The following MYO5B variants were observed in gnomAD, a reference collection of about 807,000 sequenced individuals.
The protein encoded by MYO5B is unconventional myosin-Vb.
A neutral mutation model predicts 229.3 loss-of-function variants in MYO5B; 143 were observed. The observed-to-expected ratio is 0.62, with a 90% confidence interval of 0.54 to 0.72. MYO5B has a LOEUF of 0.72. Among genes scored for constraint, MYO5B ranks in the 30% least tolerant of loss-of-function variants. The pLI, the probability that MYO5B is intolerant of heterozygous loss-of-function variation, is 0.00. For missense variants in MYO5B, 2,321 were observed against 2,331.0 expected (o/e 1.00, Z 0.09); for synonymous variants, 918 against 885.2 (o/e 1.04, Z -0.66).
chr18:49,834,900 A>G (rs987513679), intron 39 of MYO5B, among the ~76,000 whole-genome samples: 1 of 152,212 alleles, frequency 6.6e-6, no homozygotes, highest in Admixed American at 6.5e-5. Context: ...GGCCTCCCAA[A>G]GTGCTGGGAT....
chr18:49,926,768 T>C lies in MYO5B; in HGVS notation c.2090+2744A>G, dbSNP rs575019383. Among the ~76,000 whole-genome samples, 379 of 152,310 alleles carry C rather than the reference T, an allele frequency of 2.5e-3. 3 individuals are homozygous for C. The highest frequency in any genetic ancestry group is 6.2e-3 in the South Asian group (30 of 4,828). ...CAGATTTCATTCTATATTCAAAAGTTAAAGGAGTCTATTGAGGAATGAATG... is the reference window on the plus strand; with the variant it reads ...CAGATTTCATTCTATATTCAAAAGTCAAAGGAGTCTATTGAGGAATGAATG... On this transcript the variant is annotated intron_variant, in intron 17 of 39. Transcript: ENST00000285039.
chr18:50,072,709 T>C (rs1190683555), intron 1 of MYO5B, among the ~76,000 whole-genome samples: 1 of 151,882 alleles, frequency 6.6e-6, no homozygotes, highest in Non-Finnish European at 1.5e-5. Flanking sequence ...CAGAAAACAT[T>C]AATCATCAAT....
intron 1 of MYO5B, chr18:50,098,615 G>A (rs962570822): frequency 5.3e-5 from 8 of 152,248 alleles, no homozygotes; most frequent in Non-Finnish European, 8.8e-5. Flanking sequence ...AACTGGGAAA[G>A]GCTTGCAGAG....
At chr18:49,828,032 C>T (rs911248257) in intron 39 of MYO5B, among the ~76,000 whole-genome samples, 8 of 152,244 alleles carry the variant, frequency 5.3e-5, no homozygotes, top group Non-Finnish European at 7.4e-5. Context: ...GTACTGCTGT[C>T]GGCCCTGTAG....
Position 49,980,714 on chromosome 18 carries a change from C to G in MYO5B, c.947-161G>C, listed in dbSNP as rs187615851. Among the ~76,000 whole-genome samples, 24 of 152,150 alleles carry G rather than the reference C, an allele frequency of 1.6e-4. No homozygotes were observed. In the East Asian group the frequency reaches 3.9e-3, roughly 25 times the overall value. On this transcript the variant is annotated intron_variant, in intron 8 of 39. Coordinates refer to ENST00000285039, the MANE Select transcript of MYO5B (RefSeq NM_001080467.3). The stretch of plus-strand genomic sequence containing the variant: ...CAGGCTCCTCACCAAGTAATTACCA[C>G]TCACAGTAACAGCTCAGAGGGCAAA...
At chr18:50,118,191 TCA>T (rs1223778320) in intron 1 of MYO5B, among the ~76,000 whole-genome samples, 1 of 152,142 alleles carries the variant, frequency 6.6e-6, no homozygotes, top group African/African-American at 2.4e-5. Context: ...CATGACTGTC[TCA>T]GTTTGCCCAG....
At chr18:49,882,656 A>T (rs890487039) in intron 22 of MYO5B, among the ~76,000 whole-genome samples, 9 of 143,050 alleles carry the variant, frequency 6.3e-5, no homozygotes, top group African/African-American at 2.3e-4. Flanking sequence ...GAGGAAACCC[A>T]CTTCACAGAG....
intron 22 of MYO5B, among the ~76,000 whole-genome samples, chr18:49,889,273 T>C (rs1004461217): frequency 6.6e-6 from 1 of 152,262 alleles, no homozygotes; most frequent in African/African-American, 2.4e-5. Flanking sequence ...TTGCTATTGC[T>C]GGAGGCAGTT....
In MYO5B at chr18:49,826,295, C is replaced by G; in HGVS notation, c.*176G>C. 1 of 728,396 alleles carries G rather than the reference C, an allele frequency of 1.4e-6. No individual in the cohort carries two copies. Among genetic ancestry groups the G allele is most frequent in the Non-Finnish European group, 2.2e-6 (1 of 454,890 alleles). 45.1% of individuals were successfully genotyped at this position (728,396 alleles called of 1,614,324 possible). On this transcript the variant is annotated 3_prime_UTR_variant, in exon 40 of 40. Transcript: ENST00000285039. ...GTGTTTTTATTCTGAGCAGTAGGTA[C>G]AAAAAATAATGACATAGTTGTGTCT...
intron 1 of MYO5B, among the ~76,000 whole-genome samples, chr18:50,131,185 A>G (rs1322848084): frequency 6.6e-6 from 1 of 152,248 alleles, no homozygotes; most frequent in African/African-American, 2.4e-5. Context: ...GCATGGAATC[A>G]TAGAATAGAA....
chr18:50,002,387 T>C (rs17728662), intron 4 of MYO5B, among the ~76,000 whole-genome samples: 27,850 of 151,402 alleles, frequency 0.18, 2,703 homozygotes, highest in East Asian at 0.27. Context: ...TCTGTAGTTA[T>C]CCCTTTAAAA....
chr18:50,141,446 T>TG (rs1395049471), intron 1 of MYO5B, among the ~76,000 whole-genome samples: 5 of 152,222 alleles, frequency 3.3e-5, no homozygotes, highest in Non-Finnish European at 7.3e-5. Flanking sequence ...GCTGTAACAC[T>TG]GCCTGAGCTG....
intron 39 of MYO5B, 60 bp downstream of exon 39, chr18:49,835,284 T>C (rs1463784501): frequency 7.6e-7 from 1 of 1,313,594 alleles, no homozygotes; most frequent in Admixed American, 1.7e-5. Flanking sequence ...AAAGCCCAAA[T>C]TTTTAATTTC....
At chr18:50,043,622 A>G (rs1030282427) in intron 2 of MYO5B, among the ~76,000 whole-genome samples, 1 of 135,020 alleles carries the variant, frequency 7.4e-6, no homozygotes, top group Non-Finnish European at 1.5e-5. Context: ...ATATATATAA[A>G]TATATAAATA....
At chr18:49,839,700 C>G (rs1451909685) in intron 35 of MYO5B, among the ~76,000 whole-genome samples, 2 of 152,186 alleles carry the variant, frequency 1.3e-5, no homozygotes, top group East Asian at 3.8e-4. Flanking sequence ...GGCCATGGGC[C>G]AGATTATACG....
At chr18:49,862,678 C>T (rs975173197) in intron 29 of MYO5B, among the ~76,000 whole-genome samples, 3 of 152,180 alleles carry the variant, frequency 2.0e-5, no homozygotes, top group Non-Finnish European at 4.4e-5. Flanking sequence ...AGCTTATTTT[C>T]GAGGGGACAG....
chr18:49,960,926 C>T (rs1053473440), intron 12 of MYO5B, among the ~76,000 whole-genome samples: 1 of 152,184 alleles, frequency 6.6e-6, no homozygotes, highest in African/African-American at 2.4e-5. Flanking sequence ...TGAGTACTGG[C>T]CCCAGGGAGC....
At chr18:50,110,653 C>G (rs1055847908) in intron 1 of MYO5B, among the ~76,000 whole-genome samples, 1 of 152,092 alleles carries the variant, frequency 6.6e-6, no homozygotes, top group Admixed American at 6.5e-5. Flanking sequence ...TCCATAAATG[C>G]AGAATGTTGA....
At chr18:49,972,043 T>C (rs928600704) in intron 10 of MYO5B, among the ~76,000 whole-genome samples, 1 of 152,090 alleles carries the variant, frequency 6.6e-6, no homozygotes, top group Non-Finnish European at 1.5e-5. Context: ...CCTGCCCTCA[T>C]GGAAGAGCTG....
Sources: allele counts gnomAD v4.1 joint callset (sites outside exome capture counted in the v4.1 genomes callset), GRCh38; gene constraint gnomAD v4.1.1; transcripts MANE v1.5; gene names NCBI Gene and HGNC (gene_info 2026-07-23, HGNC 2026-07-21).